The following DNM2 variants were observed in gnomAD, a reference collection of about 807,000 sequenced individuals.
The protein encoded by DNM2 is dynamin-2.
DNM2 carries 15 observed loss-of-function variants against 99.0 expected under a neutral mutation model. That is an observed-to-expected ratio of 0.15 (90% confidence interval 0.10 to 0.23). The LOEUF is 0.23. Among genes scored for constraint, DNM2 ranks in the 10% least tolerant of loss-of-function variants. DNM2 has a pLI of 1.00. For missense variants in DNM2, 742 were observed against 1,189.4 expected (o/e 0.62, Z 5.53); for synonymous variants, 525 against 481.2 (o/e 1.09, Z -1.19).
chr19:10,775,716 C>T lies in DNM2; in HGVS notation c.399C>T (p.Thr133=), dbSNP rs1331909619. Residue 133 remains threonine, a synonymous_variant, in exon 4 of 21, where the codon ACC becomes ACT. Coordinates refer to ENST00000389253, the MANE Select transcript of DNM2 (RefSeq NM_001005361.3). This position sits in a 1 kb window ranked among gnomAD's most constrained non-coding sequence, Gnocchi z 4.3. ...TTTCCCTCCCAGTGTTGAACTTGAC[C>T]CTCATCGACCTCCCGGGTATCACCA... is the stretch of plus-strand genomic sequence containing the variant. The part of the protein sequence containing the change: ...RVYSPHVLNL[T]LIDLPGITKV... 6.2e-7 allele frequency: 1 copy of T among 1,614,114 alleles called. No homozygotes were observed.
chr19:10,761,459 C>G (rs2070631357), intron 2 of DNM2, among the ~76,000 whole-genome samples: 1 of 152,122 alleles, frequency 6.6e-6, no homozygotes, highest in African/African-American at 2.4e-5. Flanking sequence ...GAAACCCCCT[C>G]GGGCCTCCTT....
At chr19:10,750,152 G>T (rs1397962443) in intron 1 of DNM2, among the ~76,000 whole-genome samples, 1 of 152,102 alleles carries the variant, frequency 6.6e-6, no homozygotes, top group Non-Finnish European at 1.5e-5. Context: ...CCTGGCCTGG[G>T]CCCATGGATA....
At chr19:10,761,705 C>G (rs975354736) in intron 2 of DNM2, among the ~76,000 whole-genome samples, 2 of 152,206 alleles carry the variant, frequency 1.3e-5, no homozygotes, top group African/African-American at 4.8e-5. Context: ...GGCCCCAGAT[C>G]TGGGACCTGC....
chr19:10,771,682 G>C (rs2070985427), intron 2 of DNM2, among the ~76,000 whole-genome samples: 1 of 152,198 alleles, frequency 6.6e-6, no homozygotes, highest in East Asian at 1.9e-4. Context: ...CACAGCAAGG[G>C]AGGCTCTGCA....
intron 15 of DNM2, among the ~76,000 whole-genome samples, chr19:10,819,233 G>A (rs980601105): frequency 2.6e-5 from 4 of 152,110 alleles, no homozygotes; most frequent in Admixed American, 1.3e-4. Context: ...GCAACATAGC[G>A]AGACCCCATC....
chr19:10,759,724 T>TC lies in DNM2; in HGVS notation c.162-7dup, dbSNP rs755984173. ...GACGCAAGAGTAATTTCTGTCCCTC[T>TC]CCCCCCCTCACAGGGACTTCCTTCC... On this transcript the variant is annotated splice_polypyrimidine_tract_variant and intron_variant, in intron 1 of 20. Coordinates refer to ENST00000389253, the MANE Select transcript of DNM2 (RefSeq NM_001005361.3). 16 of 1,613,448 alleles carry TC rather than the reference T, an allele frequency of 9.9e-6. No individual in the cohort carries two copies. Among genetic ancestry groups the TC allele is most frequent in the East Asian group, 2.2e-5 (1 of 44,862 alleles).
intron 18 of DNM2, among the ~76,000 whole-genome samples, chr19:10,826,559 T>C (rs1365540308): frequency 6.6e-6 from 1 of 152,204 alleles, no homozygotes; most frequent in Non-Finnish European, 1.5e-5. Flanking sequence ...TATCAGGCCT[T>C]TGGCATGGCA....
intron 18 of DNM2, among the ~76,000 whole-genome samples, chr19:10,827,856 A>G (rs545399843): frequency 6.6e-6 from 1 of 152,048 alleles, no homozygotes; most frequent in South Asian, 2.1e-4. Context: ...TGACAGAGGG[A>G]GACTCTGTCT....
In DNM2 at chr19:10,772,726, T is replaced by C. The variant is rs2071021956; in HGVS notation, c.385+98T>C. ...TGTACTTCCACTCATGGGTATCATG[T>C]GCCCATTCACAAACAGTTGATATTC... On this transcript the variant is annotated intron_variant, in intron 3 of 20. Transcript: ENST00000389253. The surrounding 1 kb of genome is among the most constrained non-coding windows in gnomAD (Gnocchi z 4.9). The C allele has an allele frequency of 1.3e-6, 2 of 1,558,198 alleles. No individual in the cohort carries two copies. The highest frequency in any genetic ancestry group is 3.6e-5 in the Admixed American group (2 of 54,870).
chr19:10,749,729 C>A (rs79551350), intron 1 of DNM2, among the ~76,000 whole-genome samples: 3,937 of 152,362 alleles, frequency 0.026, 169 homozygotes, highest in East Asian at 0.13. Context: ...AGGCACTGTT[C>A]TAGGTGCTGA....
At chr19:10,792,020 G>A (rs373683492) in intron 7 of DNM2, among the ~76,000 whole-genome samples, 111 of 152,288 alleles carry the variant, frequency 7.3e-4, no homozygotes, top group Middle Eastern at 6.8e-3. Flanking sequence ...CCCGGCAGGC[G>A]GAGGTTGCAG....
At chr19:10,806,025 A>T in intron 13 of DNM2, 58 bp downstream of exon 13, 1 of 1,607,350 alleles carries the variant, frequency 6.2e-7, no homozygotes, top group Non-Finnish European at 8.5e-7. Flanking sequence ...ACGCTAAGTG[A>T]CAGCTAAGCC....
At position 10,811,415 on chromosome 19, in the gene DNM2, C is replaced by T. The variant is rs564858648; in HGVS notation, c.1558-849C>T. On this transcript the variant is annotated intron_variant, in intron 14 of 20. Transcript: ENST00000389253. This position sits in a 1 kb window ranked among gnomAD's most constrained non-coding sequence, Gnocchi z 5.4. ...CTCTGGCGCTCCTGCCGTGCCGTGC[C>T]CTGCCATGCCCTGCACTGGGGGATG... 139 of 299,130 alleles carry T rather than the reference C, an allele frequency of 4.6e-4. No individual in the cohort carries two copies. The highest frequency in any genetic ancestry group is 6.8e-4 in the Non-Finnish European group (102 of 150,198). The allele number at this position is 299,130 out of a possible 1,614,324, so 18.5% of individuals were successfully genotyped here. A position where few individuals can be genotyped will look rare whatever the true frequency, so the allele number is the denominator to read the frequency against.
At chr19:10,748,464 C>T (rs926315792) in intron 1 of DNM2, among the ~76,000 whole-genome samples, 1 of 152,168 alleles carries the variant, frequency 6.6e-6, no homozygotes, top group Non-Finnish European at 1.5e-5. Context: ...TGGCACCTAC[C>T]TGCGGACACT....
chr19:10,748,236 A>G (rs866753921), intron 1 of DNM2, among the ~76,000 whole-genome samples: 4 of 152,168 alleles, frequency 2.6e-5, no homozygotes, highest in Non-Finnish European at 5.9e-5. Flanking sequence ...GTGGGGACCA[A>G]GGGCACGACT....
intron 1 of DNM2, among the ~76,000 whole-genome samples, chr19:10,731,216 C>T (rs888387989): frequency 6.6e-6 from 1 of 152,154 alleles, no homozygotes; most frequent in African/African-American, 2.4e-5. Flanking sequence ...CATGAGACTT[C>T]TGTCTTTTGT....
rs200131261 is a variant in DNM2, at chr19:10,772,472, T to G, written c.236-7T>G. The G allele has an allele frequency of 1.9e-6, 3 of 1,614,018 alleles. No homozygotes were observed. Among genetic ancestry groups the G allele is most frequent in the Non-Finnish European group, 1.7e-6 (2 of 1,180,004 alleles). Reference sequence around the variant, plus strand: ...TCTCATTTTCAGCATCTCTCTTCCCTTTCTAGAACATGCCGAGTTTTTGCA... The same window carrying G: ...TCTCATTTTCAGCATCTCTCTTCCCGTTCTAGAACATGCCGAGTTTTTGCA... On this transcript the variant is annotated splice_region_variant and splice_polypyrimidine_tract_variant and intron_variant, in intron 2 of 20. Transcript: ENST00000389253. The surrounding 1 kb of genome is among the most constrained non-coding windows in gnomAD (Gnocchi z 4.9).
At chr19:10,729,358 C>CA (rs1289198905) in intron 1 of DNM2, among the ~76,000 whole-genome samples, 2 of 150,674 alleles carry the variant, frequency 1.3e-5, no homozygotes, top group Admixed American at 6.7e-5. Flanking sequence ...AACTCTATCT[C>CA]AAAAAAAACA....
chr19:10,796,031 TC>T lies in DNM2; in HGVS notation c.1196+596del. On this transcript the variant is annotated intron_variant, in intron 9 of 20. Transcript: ENST00000389253. The surrounding 1 kb of genome is among the most constrained non-coding windows in gnomAD (Gnocchi z 5.6). ...ATGCTTTGTTTCTCTCTGACTTATCTCCCCTGCCCCCGGGTCTGGACGGTTT... is the reference window on the plus strand; with the variant it reads ...ATGCTTTGTTTCTCTCTGACTTATCTCCCTGCCCCCGGGTCTGGACGGTTT... The T allele has an allele frequency of 6.2e-7, 1 of 1,612,552 alleles. No individual in the cohort carries two copies. The highest frequency in any genetic ancestry group is 8.5e-7 in the Non-Finnish European group (1 of 1,179,992).
Sources: allele counts gnomAD v4.1 joint callset (sites outside exome capture counted in the v4.1 genomes callset), GRCh38; gene constraint gnomAD v4.1.1; non-coding constraint Gnocchi (gnomAD v3.1); transcripts MANE v1.5; gene names NCBI Gene and HGNC (gene_info 2026-07-23, HGNC 2026-07-21).